XPO5: variants seen among roughly 807,000 people sequenced by gnomAD.
XPO5 encodes exportin 5, also known as exportin-5.
XPO5 carries 46 observed loss-of-function variants against 160.6 expected under a neutral mutation model. The observed-to-expected ratio is 0.29, with a 90% CI of 0.23 to 0.37. The LOEUF (loss-of-function observed/expected upper bound fraction) is 0.37. XPO5 is among the 10% of genes least tolerant of loss of function. XPO5 has a pLI of 1.00. For synonymous variants in XPO5, 537 were observed against 519.3 expected, an observed-to-expected ratio of 1.03 and a Z score of -0.46; for missense variants, 1,090 against 1,463.9, an observed-to-expected ratio of 0.74 and a Z score of 4.17.
chr6:43,569,525 G>C (rs1408466484), intron 5 of XPO5, among the ~76,000 whole-genome samples: 1 of 151,932 alleles, frequency 6.6e-6, no homozygotes, highest in Non-Finnish European at 1.5e-5. Flanking sequence ...TTTGAGGTCA[G>C]GAGTTCAAGA....
chr6:43,539,114 G>C (rs1794530564), intron 20 of XPO5: 6 of 1,240,874 alleles, frequency 4.8e-6, no homozygotes, highest in African/African-American at 1.5e-5. Flanking sequence ...CCTGGGTGCA[G>C]GGATGAGGCG....
chr6:43,524,308 TACCACTGC>T (rs1223399210), intron 31 of XPO5, among the ~76,000 whole-genome samples, 155 bp downstream of exon 31: 1 of 146,260 alleles, frequency 6.8e-6, no homozygotes, highest in Non-Finnish European at 1.5e-5. Flanking sequence ...GCTGAGATCG[TACCACTGC>T]ACTCCAGCCT....
chr6:43,525,319 CT>C, intron 28 of XPO5, 105 bp from the exon 29 acceptor site: 3 of 1,092,112 alleles, frequency 2.7e-6, no homozygotes, highest in African/African-American at 1.6e-5. Context: ...TCCTCCCCCC[CT>C]CTAAAGATGG....
chr6:43,527,698 C>T lies in XPO5; in HGVS notation c.2856G>A (p.Glu952=). 2 of 1,613,990 alleles carry T rather than the reference C, an allele frequency of 1.2e-6. No homozygotes were observed. Among genetic ancestry groups the T allele is most frequent in the Non-Finnish European group, 1.7e-6 (2 of 1,179,894 alleles). Residue 952 remains glutamate, a synonymous_variant, in exon 26 of 32, where the codon GAG becomes GAA. Transcript: ENST00000265351. ...GEDEAADENP[E]SQEMLEEQLV... ...GTTGCTCCTCCAGCATCTCTTGAGA[C>T]TCTGGGTTTTCATCTGCAGCCTCAT...
intron 17 of XPO5, among the ~76,000 whole-genome samples, chr6:43,548,960 A>C (rs775877579): frequency 3.9e-5 from 6 of 152,186 alleles, no homozygotes; most frequent in Non-Finnish European, 1.5e-5. Context: ...TAAACTTAGT[A>C]ATCTATATGG....
chr6:43,570,722 A>C, intron 4 of XPO5, 38 bp from the exon 5 acceptor site: 1 of 1,550,770 alleles, frequency 6.4e-7, no homozygotes, highest in Non-Finnish European at 8.7e-7. Context: ...AAACTAAAAT[A>C]TCTTTTCATT....
chr6:43,571,667 G>A (rs1349874437), intron 3 of XPO5, among the ~76,000 whole-genome samples: 1 of 152,094 alleles, frequency 6.6e-6, no homozygotes, highest in Non-Finnish European at 1.5e-5. Context: ...AATTAGCTGG[G>A]CATGGTACCA....
At chr6:43,531,894 T>C (rs1794007972) in intron 21 of XPO5, among the ~76,000 whole-genome samples, 1 of 152,172 alleles carries the variant, frequency 6.6e-6, no homozygotes, top group Non-Finnish European at 1.5e-5. Flanking sequence ...AATTAAGTTA[T>C]GAAACCCCTT....
chr6:43,526,747 G>A lies in XPO5; in HGVS notation c.2921C>T (p.Thr974Met), dbSNP rs1793619475. Residue 974 changes from threonine to methionine, a missense_variant and splice_region_variant, in exon 27 of 32, where the codon ACG becomes ATG. Around this residue, in one of 3 missense-constraint regions of XPO5, gnomAD observed 810 missense variants for 1,139.0 expected, o/e 0.71. Coordinates refer to ENST00000265351, the MANE Select transcript of XPO5 (RefSeq NM_020750.3). Reference protein sequence around the residue: ...MLTREVMDLITVCCVSKKGAD... With the variant: ...MLTREVMDLIMVCCVSKKGAD... ...ACCCTTCTTTGAAACACAGCAAACC[G>A]CTAAAGCAAGAAAGCAGGGTTACTA... 2 of 1,613,536 alleles carry A rather than the reference G, an allele frequency of 1.2e-6. No homozygotes were observed. The highest frequency in any genetic ancestry group is 1.3e-5 in the African/African-American group (1 of 75,000).
chr6:43,533,445 C>G (rs533972693), intron 21 of XPO5: 6 of 153,816 alleles, frequency 3.9e-5, no homozygotes, highest in Non-Finnish European at 8.7e-5. Context: ...TACACTTGTT[C>G]ATATAGAGCT....
At chr6:43,561,465 A>G (rs1017769324) in intron 9 of XPO5, 1 of 155,100 alleles carries the variant, frequency 6.4e-6, no homozygotes, top group Non-Finnish European at 1.4e-5. Context: ...TGCAACCTCT[A>G]CCTCCAGGGT....
In XPO5 at chr6:43,567,271, A is replaced by G; in HGVS notation, c.732T>C (p.Thr244=). The change falls in exon 7 of 32, where the codon ACT becomes ACC. Residue 244 remains threonine (T), a synonymous_variant. Transcript: ENST00000265351. ...TCTCCAGGAGTTTACAGTTTTCAGCAGTGATGTGACTCATAGACACCCAGT... is the reference window on the plus strand; with the variant it reads ...TCTCCAGGAGTTTACAGTTTTCAGCGGTGATGTGACTCATAGACACCCAGT... ...YIDWVSMSHI[T]AENCKLLEIL... The G allele has an allele frequency of 6.2e-7, 1 of 1,613,996 alleles. No individual in the cohort carries two copies. Among genetic ancestry groups the G allele is most frequent in the Non-Finnish European group, 8.5e-7 (1 of 1,179,886 alleles).
chr6:43,525,245 G>C (rs987136111), intron 28 of XPO5, 31 bp from the exon 29 acceptor site: 1 of 1,545,810 alleles, frequency 6.5e-7, no homozygotes, highest in Non-Finnish European at 8.8e-7. Context: ...AGTTACAATG[G>C]AAAAAGAAGC....
rs1403419994 is a variant in XPO5, at chr6:43,560,383, C to T, written c.1096-80G>A. On this transcript the variant is annotated intron_variant, in intron 10 of 31. Coordinates refer to ENST00000265351, the MANE Select transcript of XPO5 (RefSeq NM_020750.3). ...ATTATTACTTAGCAGTTATCAACTA[C>T]ATTTTTTCATAGAAATAAATCTGTA... 6.8e-5 allele frequency: 99 copies of T among 1,449,186 alleles called. No individual in the cohort carries two copies. The South Asian group carries it at 1.3e-3, about 19-fold the overall frequency. 89.8% of individuals were successfully genotyped at this position (1,449,186 alleles called of 1,614,324 possible).
At chr6:43,575,584 G>C (rs1463001079) in intron 1 of XPO5, among the ~76,000 whole-genome samples, 176 bp downstream of exon 1, 1 of 152,244 alleles carries the variant, frequency 6.6e-6, no homozygotes, top group Non-Finnish European at 1.5e-5. Context: ...GGCGAGTAGA[G>C]AAGGCGGCGA....
intron 14 of XPO5, among the ~76,000 whole-genome samples, chr6:43,552,879 T>G (rs988515821): frequency 2.6e-5 from 4 of 152,228 alleles, no homozygotes; most frequent in Admixed American, 2.6e-4. Flanking sequence ...CTAAATGTGG[T>G]AGTGCTTAGA....
chr6:43,543,469 GTAAA>G (rs942880249), intron 20 of XPO5, among the ~76,000 whole-genome samples: 5 of 147,972 alleles, frequency 3.4e-5, no homozygotes, highest in Admixed American at 6.6e-5. Context: ...AAGTAAGTAA[GTAAA>G]TAAATAAATA....
In XPO5 at chr6:43,524,542, G is replaced by A; in HGVS notation, c.3406C>T (p.Pro1136Ser). 1 of 1,613,884 alleles carries A rather than the reference G, an allele frequency of 6.2e-7. No homozygotes were observed. The highest frequency in any genetic ancestry group is 8.5e-7 in the Non-Finnish European group (1 of 1,179,864). ...TTGTCAGCCACTTTCTGCAGGGAGG[G>A]GTTTAAAAGCTTGCAGTCAAACTGG... is the stretch of plus-strand genomic sequence containing the variant. Reference protein sequence around the residue: ...LDQFDCKLLNPSLQKVADKRR... With the variant: ...LDQFDCKLLNSSLQKVADKRR... Residue 1136 changes from proline to serine, a missense_variant, in exon 31 of 32, where the codon CCC becomes TCC. By Grantham distance (74) the Pro-to-Ser change is moderately conservative. Around this residue, in one of 3 missense-constraint regions of XPO5, gnomAD observed 810 missense variants for 1,139.0 expected, o/e 0.71. Coordinates refer to ENST00000265351, the MANE Select transcript of XPO5 (RefSeq NM_020750.3).
In XPO5 at chr6:43,556,186, G is replaced by A; in HGVS notation, c.1313-222C>T. 6.2e-6 allele frequency: 3 copies of A among 483,654 alleles called. No individual in the cohort carries two copies. In the South Asian group the frequency reaches 9.8e-5, roughly 16 times the overall value. The allele number at this position is 483,654 out of a possible 1,614,324, so 30.0% of individuals were successfully genotyped here. ...GAAACTGTATTACCAGCTAGATCCT[G>A]TAAGTGGCAAACTAAACTTAGTCTC... On this transcript the variant is annotated intron_variant, in intron 12 of 31. Coordinates refer to ENST00000265351, the MANE Select transcript of XPO5 (RefSeq NM_020750.3).
Sources: gnomAD v4.1 joint callset for allele counts (sites outside exome capture counted in the v4.1 genomes callset) on GRCh38, gnomAD v4.1.1 for gene constraint, gnomAD v4.1.1 regional missense constraint, MANE v1.5 for transcripts, NCBI Gene and HGNC (gene_info 2026-07-23, HGNC 2026-07-21) for gene names.